The following EIF2B3 variants were observed in gnomAD, a reference collection of about 807,000 sequenced individuals.
EIF2B3 encodes the protein eukaryotic translation initiation factor 2B subunit gamma.
EIF2B3 carries 20 observed loss-of-function variants against 54.1 expected under a neutral mutation model. That is an observed-to-expected ratio of 0.37 (90% CI 0.26 to 0.54). The LOEUF is 0.54. Among genes scored for constraint, EIF2B3 ranks in the 20% least tolerant of loss-of-function variants. The probability of loss-of-function intolerance (pLI) is 0.86; values close to 1 mark genes in which losing one functional copy is unlikely to be tolerated. For missense variants in EIF2B3, 448 were observed against 547.8 expected (o/e 0.82, Z 1.82); for synonymous variants, 153 against 188.1 (o/e 0.81, Z 1.52).
At chr1:44,960,074 CT>C (rs1644267998) in intron 3 of EIF2B3, among the ~76,000 whole-genome samples, 1 of 151,852 alleles carries the variant, frequency 6.6e-6, no homozygotes, top group Non-Finnish European at 1.5e-5. Context: ...ATGTATTTAC[CT>C]TCATATTAAC....
intron 10 of EIF2B3, among the ~76,000 whole-genome samples, chr1:44,860,573 A>G (rs1344568830): frequency 6.6e-6 from 1 of 152,262 alleles, no homozygotes; most frequent in Non-Finnish European, 1.5e-5. Context: ...TCAAAACCAT[A>G]TAACTGCTAG....
intron 10 of EIF2B3, among the ~76,000 whole-genome samples, chr1:44,871,731 AG>A (rs374137035): frequency 4.9e-4 from 74 of 152,288 alleles, no homozygotes; most frequent in African/African-American, 1.7e-3. Context: ...GAAATGAAAC[AG>A]GTTGATGTGA....
At chr1:44,984,600 C>T (rs377297652) in intron 1 of EIF2B3, among the ~76,000 whole-genome samples, 2 of 152,190 alleles carry the variant, frequency 1.3e-5, no homozygotes, top group South Asian at 4.2e-4. Flanking sequence ...GGTTCACAGA[C>T]CATAGAGCTA....
chr1:44,986,245 T>C (rs1644576253), intron 1 of EIF2B3, among the ~76,000 whole-genome samples: 1 of 151,760 alleles, frequency 6.6e-6, no homozygotes, highest in Non-Finnish European at 1.5e-5. Flanking sequence ...GTTCAAACGA[T>C]TCTCCTGCCT....
At chr1:44,981,353 C>T (rs1286114020) in intron 1 of EIF2B3, among the ~76,000 whole-genome samples, 176 bp from the exon 2 acceptor site, 1 of 152,138 alleles carries the variant, frequency 6.6e-6, no homozygotes, top group Non-Finnish European at 1.5e-5. Context: ...ATTATGTCTA[C>T]CAATATGTAT....
intron 4 of EIF2B3, among the ~76,000 whole-genome samples, chr1:44,935,609 C>G (rs892549481): frequency 8.5e-5 from 13 of 152,164 alleles, no homozygotes; most frequent in African/African-American, 2.9e-4. Flanking sequence ...AAGCAATTCT[C>G]CTGCCTCAGC....
chr1:44,956,840 A>C (rs1644231258), intron 3 of EIF2B3, among the ~76,000 whole-genome samples: 1 of 152,246 alleles, frequency 6.6e-6, no homozygotes, highest in African/African-American at 2.4e-5. Flanking sequence ...TAAATGTAAA[A>C]AAGTGAAACT....
chr1:44,893,922 T>TGGTATATATTGCCC (rs1553171085), intron 6 of EIF2B3, among the ~76,000 whole-genome samples: 1 of 152,170 alleles, frequency 6.6e-6, no homozygotes, highest in Non-Finnish European at 1.5e-5. Context: ...ATACATTGCC[T>TGGTATATATTGCCC]GGTATATATT....
At chr1:44,944,572 C>T (rs933145611) in intron 3 of EIF2B3, among the ~76,000 whole-genome samples, 5 of 151,508 alleles carry the variant, frequency 3.3e-5, no homozygotes, top group African/African-American at 7.3e-5. Flanking sequence ...GCAGGAGCAT[C>T]ACTTGAGGCC....
chr1:44,965,565 A>C (rs1644328033), intron 3 of EIF2B3, among the ~76,000 whole-genome samples: 2 of 151,986 alleles, frequency 1.3e-5, no homozygotes, highest in Admixed American at 1.3e-4. Flanking sequence ...ATTAGTACTA[A>C]AGTACTAATG....
intron 6 of EIF2B3, among the ~76,000 whole-genome samples, chr1:44,889,645 C>T (rs1160668754): frequency 6.6e-6 from 1 of 151,834 alleles, no homozygotes; most frequent in Non-Finnish European, 1.5e-5. Flanking sequence ...CAGCGATTCT[C>T]AGCCTCCTGA....
chr1:44,983,442 T>C (rs1644535591), intron 1 of EIF2B3, among the ~76,000 whole-genome samples: 1 of 152,238 alleles, frequency 6.6e-6, no homozygotes, highest in African/African-American at 2.4e-5. Context: ...GGCTCCTGCA[T>C]AACATTCACA....
chr1:44,941,391 G>T lies in EIF2B3; in HGVS notation c.454+115C>A, dbSNP rs1361841909. The T allele has an allele frequency of 2.4e-6, 3 of 1,248,666 alleles. No individual in the cohort carries two copies. In the African/African-American group the frequency reaches 4.5e-5, roughly 19 times the overall value. 77.3% of individuals were successfully genotyped at this position (1,248,666 alleles called of 1,614,324 possible). A position where few individuals can be genotyped will look rare whatever the true frequency, so the allele number is the denominator to read the frequency against. On this transcript the variant is annotated intron_variant, in intron 4 of 11. Transcript: ENST00000360403. ...TTTGACTTTATGTCATCAACTCCTAGCACAGAATCTGTGATGTATAGTAGA... is the reference window on the plus strand; with the variant it reads ...TTTGACTTTATGTCATCAACTCCTATCACAGAATCTGTGATGTATAGTAGA...
At chr1:44,975,508 A>G (rs965359679) in intron 3 of EIF2B3, among the ~76,000 whole-genome samples, 2 of 152,204 alleles carry the variant, frequency 1.3e-5, no homozygotes, top group African/African-American at 4.8e-5. Context: ...CTGTAACACA[A>G]TGGTAAGTAT....
At chr1:44,917,810 G>C (rs1316813656) in intron 5 of EIF2B3, among the ~76,000 whole-genome samples, 1 of 100,660 alleles carries the variant, frequency 9.9e-6, no homozygotes, top group Non-Finnish European at 1.8e-5. Context: ...GTCTTCCTCT[G>C]TTGCCCAGGC....
At chr1:44,883,074 G>A (rs1569610825) in intron 6 of EIF2B3, among the ~76,000 whole-genome samples, 1 of 150,546 alleles carries the variant, frequency 6.6e-6, no homozygotes, top group African/African-American at 2.4e-5. Context: ...GATTACAGGC[G>A]CCGGCCACCA....
At chr1:44,851,056 T>C (rs1654252422) in intron 11 of EIF2B3, 53 bp from the exon 12 acceptor site, 1 of 1,582,878 alleles carries the variant, frequency 6.3e-7, no homozygotes, top group Admixed American at 1.7e-5. Context: ...AGATGACATT[T>C]CAAACCCAAC....
At position 44,922,211 on chromosome 1, in the gene EIF2B3, G is replaced by T. The variant is rs144538123; in HGVS notation, c.566+4417C>A. ...TTACAGGCGTGAGCCACCATGCCCA[G>T]CCAATTCCATATAAACTTTAGGATT... On this transcript the variant is annotated intron_variant, in intron 5 of 11. Transcript: ENST00000360403. 1.1e-3 allele frequency among the ~76,000 whole-genome samples: 173 copies of T among 151,526 alleles called. 3 individuals are homozygous for T. In the East Asian group the frequency reaches 0.033, roughly 29 times the overall value.
intron 11 of EIF2B3, among the ~76,000 whole-genome samples, chr1:44,854,594 T>TA (rs1654381991): frequency 6.6e-6 from 1 of 151,106 alleles, no homozygotes; most frequent in Non-Finnish European, 1.5e-5. Context: ...TATGTCTTTT[T>TA]TTTTTTTTTT....
Sources: allele counts gnomAD v4.1 joint callset (sites outside exome capture counted in the v4.1 genomes callset), GRCh38; gene constraint gnomAD v4.1.1; transcripts MANE v1.5; gene names NCBI Gene and HGNC (gene_info 2026-07-23, HGNC 2026-07-21).